Variants in ERI3 observed in about 807,000 individuals in gnomAD.
ERI3 encodes ERI1 exoribonuclease family member 3.
ERI3 carries 18 observed loss-of-function variants against 44.4 expected under a neutral mutation model. The observed-to-expected ratio is 0.41, with a 90% confidence interval of 0.28 to 0.60. The LOEUF is 0.60. ERI3 is among the 20% of genes least tolerant of loss of function. The pLI is 0.36. For missense variants in ERI3, 294 were observed against 435.5 expected (o/e 0.68, Z 2.89); for synonymous variants, 183 against 164.8 (o/e 1.11, Z -0.84).
chr1:44,233,033 G>GA (rs1644222478), intron 8 of ERI3, among the ~76,000 whole-genome samples: 1 of 152,000 alleles, frequency 6.6e-6, no homozygotes, highest in Non-Finnish European at 1.5e-5. Flanking sequence ...CCCTTGCCTG[G>GA]AAAAACCCAG....
chr1:44,244,475 G>T (rs1644510277), intron 8 of ERI3, among the ~76,000 whole-genome samples: 1 of 152,168 alleles, frequency 6.6e-6, no homozygotes, highest in African/African-American at 2.4e-5. Flanking sequence ...TGGTGACAGA[G>T]CACTGTGTCT....
At chr1:44,270,059 C>A (rs771708683) in intron 7 of ERI3, among the ~76,000 whole-genome samples, 1 of 152,122 alleles carries the variant, frequency 6.6e-6, no homozygotes. Context: ...GTGCTTCTGG[C>A]CTTGAAGGAA....
At chr1:44,318,476 A>G (rs1646135557) in intron 4 of ERI3, among the ~76,000 whole-genome samples, 1 of 152,250 alleles carries the variant, frequency 6.6e-6, no homozygotes, top group African/African-American at 2.4e-5. Context: ...ACCCCGGCAG[A>G]GGAAGGCGAA....
chr1:44,342,828 T>TATATATAAAA (rs1402134652), intron 2 of ERI3, among the ~76,000 whole-genome samples: 1 of 18,770 alleles, frequency 5.3e-5, no homozygotes, highest in Non-Finnish European at 9.9e-5. Context: ...TATATATATA[T>TATATATAAAA]ATATATATAT....
chr1:44,269,793 C>T (rs1645056005), intron 7 of ERI3, among the ~76,000 whole-genome samples: 1 of 152,166 alleles, frequency 6.6e-6, no homozygotes, highest in Admixed American at 6.5e-5. Context: ...AGGAGAGAAA[C>T]TGAATTTGCA....
At chr1:44,315,256 G>A (rs1646062528) in intron 4 of ERI3, among the ~76,000 whole-genome samples, 2 of 152,190 alleles carry the variant, frequency 1.3e-5, no homozygotes, top group Non-Finnish European at 1.5e-5. Flanking sequence ...TCTCTCAAAT[G>A]AGCTGAATGC....
intron 8 of ERI3, among the ~76,000 whole-genome samples, chr1:44,231,971 A>G (rs1013837891): frequency 2.2e-4 from 33 of 152,170 alleles, no homozygotes; most frequent in Non-Finnish European, 2.5e-4. Flanking sequence ...TCCAACCTTG[A>G]GGGGAGTTAG....
intron 4 of ERI3, among the ~76,000 whole-genome samples, chr1:44,317,213 G>A (rs941532378): frequency 6.6e-6 from 1 of 152,128 alleles, no homozygotes; most frequent in Non-Finnish European, 1.5e-5. Flanking sequence ...TCCTGCCAGA[G>A]GAACTACTTA....
intron 1 of ERI3, chr1:44,354,522 CACT>C: frequency 1.0e-6 from 1 of 985,366 alleles, no homozygotes; most frequent in South Asian, 4.7e-5. Flanking sequence ...CTTCCACCAT[CACT>C]ACTACCACCG....
At chr1:44,236,927 T>C (rs986270284) in intron 8 of ERI3, among the ~76,000 whole-genome samples, 4 of 152,202 alleles carry the variant, frequency 2.6e-5, no homozygotes, top group East Asian at 1.9e-4. Context: ...GATCTTGTGC[T>C]TGTGGCCTTC....
At position 44,271,369 on chromosome 1, in the gene ERI3, C is replaced by T. The variant is rs560870891; in HGVS notation, c.831+13466G>A. Among the ~76,000 whole-genome samples, 33 of 152,356 alleles carry T rather than the reference C, an allele frequency of 2.2e-4. No homozygotes were observed. The South Asian group carries it at 5.8e-3, about 27-fold the overall frequency. On this transcript the variant is annotated intron_variant, in intron 7 of 8. Coordinates refer to ENST00000372257, the MANE Select transcript of ERI3 (RefSeq NM_024066.3). The stretch of plus-strand genomic sequence containing the variant: ...TTGCCTGGATGCACTTGCACCGTCA[C>T]CTGAGAATATACTCATCTTTCAACA...
chr1:44,291,624 C>G (rs1645508600), intron 6 of ERI3, among the ~76,000 whole-genome samples: 1 of 152,158 alleles, frequency 6.6e-6, no homozygotes, highest in Non-Finnish European at 1.5e-5. Context: ...CTTGACAGTT[C>G]AAGAATACAC....
intron 8 of ERI3, chr1:44,243,404 A>G (rs1048419203): frequency 6.6e-6 from 1 of 152,200 alleles, no homozygotes; most frequent in African/African-American, 2.4e-5. Context: ...TTTTACTGAC[A>G]TTTCCTGTGC....
chr1:44,225,882 CAT>C (rs1644025975), intron 8 of ERI3, among the ~76,000 whole-genome samples: 1 of 152,316 alleles, frequency 6.6e-6, no homozygotes, highest in African/African-American at 2.4e-5. Context: ...ATTCAGCAAA[CAT>C]GCGCTGACAC....
chr1:44,275,060 G>A (rs951230278), intron 7 of ERI3, among the ~76,000 whole-genome samples: 1 of 152,114 alleles, frequency 6.6e-6, no homozygotes, highest in Non-Finnish European at 1.5e-5. Flanking sequence ...GGACCCAGAA[G>A]TAACTGCCCT....
At chr1:44,226,056 T>C (rs1644030640) in intron 8 of ERI3, among the ~76,000 whole-genome samples, 1 of 152,078 alleles carries the variant, frequency 6.6e-6, no homozygotes, top group Admixed American at 6.5e-5. Flanking sequence ...GAGGATTAAA[T>C]ATTCCAAAGT....
At chr1:44,314,868 AC>A (rs1267794036) in intron 4 of ERI3, among the ~76,000 whole-genome samples, 1 of 152,108 alleles carries the variant, frequency 6.6e-6, no homozygotes, top group Middle Eastern at 3.2e-3. Context: ...CCCCTCCTAC[AC>A]CCAGCCCCAA....
chr1:44,355,009 G>T lies in ERI3; in HGVS notation c.18C>A (p.Pro6=), dbSNP rs778879330. The T allele has an allele frequency of 2.9e-6, 4 of 1,388,204 alleles. No homozygotes were observed. The highest frequency in any genetic ancestry group is 2.8e-5 in the East Asian group (1 of 36,016). 86.0% of individuals were successfully genotyped at this position (1,388,204 alleles called of 1,614,324 possible). The change falls in exon 1 of 9, where the codon CCC becomes CCA. Residue 6 remains proline, a synonymous_variant. Coordinates refer to ENST00000372257, the MANE Select transcript of ERI3 (RefSeq NM_024066.3). ...GCCGCCCCCGCCCCCCGTCAGCAGCGGGAGAGGCTGTCGCCATGGCAACGC... is the reference window on the plus strand; with the variant it reads ...GCCGCCCCCGCCCCCCGTCAGCAGCTGGAGAGGCTGTCGCCATGGCAACGC... The part of the protein sequence containing the change: MATAS[P]AADGGRGRPW...
At chr1:44,312,681 C>A (rs1410657926) in intron 5 of ERI3, among the ~76,000 whole-genome samples, 2 of 152,258 alleles carry the variant, frequency 1.3e-5, no homozygotes, top group Non-Finnish European at 2.9e-5. Flanking sequence ...TGCAGTGGGG[C>A]AGGCGGGCCC....
Sources: allele counts gnomAD v4.1 joint callset (sites outside exome capture counted in the v4.1 genomes callset), GRCh38; gene constraint gnomAD v4.1.1; transcripts MANE v1.5; gene names NCBI Gene and HGNC (gene_info 2026-07-23, HGNC 2026-07-21).